ARID2: variants seen among roughly 807,000 people sequenced by gnomAD.
ARID2 encodes AT-rich interaction domain 2.
In ARID2, 32 loss-of-function variants were observed where a neutral mutation model predicts 184.6. That is an observed-to-expected ratio of 0.17 (90% CI 0.13 to 0.23). The LOEUF is 0.23. Ranked by LOEUF, ARID2 falls within the 10% of genes least tolerant of loss-of-function variation. The pLI is 1.00. For synonymous variants in ARID2, 836 were observed against 772.6 expected (o/e 1.08, Z -1.36); for missense variants, 1,696 against 2,197.6 (o/e 0.77, Z 4.56).
chr12:45,857,381 C>T (rs1336509071), intron 15 of ARID2, among the ~76,000 whole-genome samples: 3 of 152,144 alleles, frequency 2.0e-5, no homozygotes, highest in African/African-American at 7.2e-5. Context: ...GCAAGAGCCA[C>T]AAGAATATCA....
At chr12:45,885,697 A>G (rs557726380) in intron 16 of ARID2, among the ~76,000 whole-genome samples, 4 of 152,338 alleles carry the variant, frequency 2.6e-5, no homozygotes, top group South Asian at 2.1e-4. Context: ...GAAACTTGCA[A>G]TCATGGCAGA....
At chr12:45,778,721 T>C (rs1942033533) in intron 3 of ARID2, among the ~76,000 whole-genome samples, 1 of 151,990 alleles carries the variant, frequency 6.6e-6, no homozygotes, top group South Asian at 2.1e-4. Context: ...ACATATTAAT[T>C]ATACTTCAAA....
At chr12:45,820,063 A>C (rs1375485659) in intron 5 of ARID2, among the ~76,000 whole-genome samples, 1 of 151,942 alleles carries the variant, frequency 6.6e-6, no homozygotes, top group African/African-American at 2.4e-5. Flanking sequence ...GTTTTTTATA[A>C]GGATTTTTCA....
intron 3 of ARID2, among the ~76,000 whole-genome samples, chr12:45,736,218 G>A (rs994896950): frequency 1.3e-5 from 2 of 152,074 alleles, no homozygotes. Flanking sequence ...TTAGCTAGGC[G>A]TGGTGGCATG....
intron 11 of ARID2, among the ~76,000 whole-genome samples, chr12:45,844,564 C>T (rs1943408598): frequency 6.6e-6 from 1 of 152,070 alleles, no homozygotes. Context: ...CCAATAATAC[C>T]TTGGTTAAGA....
intron 3 of ARID2, among the ~76,000 whole-genome samples, chr12:45,759,018 T>C (rs768388382): frequency 6.6e-6 from 1 of 152,062 alleles, no homozygotes; most frequent in Non-Finnish European, 1.5e-5. Context: ...CACACACATA[T>C]GTGTATGTAT....
intron 4 of ARID2, 96 bp downstream of exon 4, chr12:45,811,647 A>G (rs1942710937): frequency 7.6e-7 from 1 of 1,313,922 alleles, no homozygotes; most frequent in South Asian, 1.6e-5. Context: ...TTTGCACATG[A>G]GAACACTTAA....
chr12:45,778,474 A>G (rs1942029885), intron 3 of ARID2, among the ~76,000 whole-genome samples: 1 of 152,160 alleles, frequency 6.6e-6, no homozygotes, highest in Non-Finnish European at 1.5e-5. Flanking sequence ...ATTTGTGTGT[A>G]TATAGATAGG....
At chr12:45,766,568 C>T (rs1339544332) in intron 3 of ARID2, among the ~76,000 whole-genome samples, 6 of 151,516 alleles carry the variant, frequency 4.0e-5, no homozygotes, top group Admixed American at 1.3e-4. Context: ...GGCTGGAGTG[C>T]AGTGGCGCAA....
chr12:45,787,751 A>T (rs1006003723), intron 3 of ARID2, among the ~76,000 whole-genome samples: 51 of 152,136 alleles, frequency 3.4e-4, no homozygotes, highest in African/African-American at 1.2e-3. Flanking sequence ...TATTATCCTA[A>T]TTAAGCTTCA....
chr12:45,870,011 A>G (rs1177783454), intron 16 of ARID2, among the ~76,000 whole-genome samples: 1 of 151,662 alleles, frequency 6.6e-6, no homozygotes, highest in Non-Finnish European at 1.5e-5. Flanking sequence ...GTTGAGACAG[A>G]CTCTTGCTCT....
At chr12:45,733,281 T>C (rs935688265) in intron 3 of ARID2, among the ~76,000 whole-genome samples, 1 of 152,220 alleles carries the variant, frequency 6.6e-6, no homozygotes, top group African/African-American at 2.4e-5. Context: ...AATTTTTTCC[T>C]GGTGGTCTAA....
In ARID2 at chr12:45,850,787, C is replaced by T. The variant is rs1943534136; in HGVS notation, c.2664C>T (p.Ala888=). ...TTGCTGGTGTCCCAAGTCCACAAGC[C>T]TCAAGGGTAGGGTTTCAGAACATTG... ...VTIAGVPSPQ[A]SRVGFQNIAP... Residue 888 remains alanine, a synonymous_variant, in exon 15 of 21, where the codon GCC becomes GCT. Coordinates refer to ENST00000334344, the MANE Select transcript of ARID2 (RefSeq NM_152641.4). The T allele has an allele frequency of 6.2e-7, 1 of 1,614,120 alleles. No individual in the cohort carries two copies. Among genetic ancestry groups the T allele is most frequent in the Middle Eastern group, 1.6e-4 (1 of 6,062 alleles).
chr12:45,790,902 G>A (rs982942992), intron 3 of ARID2, among the ~76,000 whole-genome samples: 16 of 152,024 alleles, frequency 1.1e-4, no homozygotes, highest in African/African-American at 2.9e-4. Context: ...TTGAGAAGAG[G>A]TTTTTCTTTG....
chr12:45,878,326 C>G (rs1277453115), intron 16 of ARID2, among the ~76,000 whole-genome samples: 1 of 152,134 alleles, frequency 6.6e-6, no homozygotes, highest in Non-Finnish European at 1.5e-5. Flanking sequence ...TGTTCTTTCT[C>G]TTTTTCTTCT....
chr12:45,743,283 GGC>G (rs912496401), intron 3 of ARID2, among the ~76,000 whole-genome samples: 4 of 152,036 alleles, frequency 2.6e-5, no homozygotes, highest in Non-Finnish European at 5.9e-5. Flanking sequence ...GCAGGAGAAA[GGC>G]TTGAACCCAG....
At chr12:45,904,616 G>T (rs1018534175) in intron 20 of ARID2, among the ~76,000 whole-genome samples, 1 of 151,102 alleles carries the variant, frequency 6.6e-6, no homozygotes, top group Non-Finnish European at 1.5e-5. Context: ...ACTTGAACCC[G>T]GGAGGTGGAG....
intron 20 of ARID2, among the ~76,000 whole-genome samples, chr12:45,902,831 T>G (rs1394754751): frequency 1.3e-5 from 2 of 152,178 alleles, no homozygotes; most frequent in African/African-American, 4.8e-5. Flanking sequence ...TTAAATCAAT[T>G]TTTGTACAAC....
Position 45,905,730 on chromosome 12 carries a change from T to C in ARID2, c.*652T>C. Reference sequence around the variant, plus strand: ...ATAGAATGAATACCTTTCATGCCACTGCAGCCACTGGAAATACATTCTGTG... The same window carrying C: ...ATAGAATGAATACCTTTCATGCCACCGCAGCCACTGGAAATACATTCTGTG... On this transcript the variant is annotated 3_prime_UTR_variant, in exon 21 of 21. Coordinates refer to ENST00000334344, the MANE Select transcript of ARID2 (RefSeq NM_152641.4). 4.3e-6 allele frequency: 1 copy of C among 232,952 alleles called. No individual in the cohort carries two copies. Among genetic ancestry groups the C allele is most frequent in the Non-Finnish European group, 8.5e-6 (1 of 117,650 alleles). The allele number at this position is 232,952 out of a possible 1,614,324, so 14.4% of individuals were successfully genotyped here.
Sources: gnomAD v4.1 joint callset for allele counts (sites outside exome capture counted in the v4.1 genomes callset) on GRCh38, gnomAD v4.1.1 for gene constraint, MANE v1.5 for transcripts, NCBI Gene and HGNC (gene_info 2026-07-23, HGNC 2026-07-21) for gene names.